Variants in ARMH3 observed in about 807,000 individuals in gnomAD.
The protein encoded by ARMH3 is armadillo-like helical domain-containing protein 3.
In ARMH3, 60 loss-of-function variants were observed where a neutral mutation model predicts 99.1. That is an observed-to-expected ratio of 0.61 (90% confidence interval 0.49 to 0.75). ARMH3 has a LOEUF of 0.75. ARMH3 is among the 30% of genes least tolerant of loss of function. ARMH3 has a pLI of 0.00. For missense variants in ARMH3, 679 were observed against 843.1 expected (o/e 0.81, Z 2.41); for synonymous variants, 285 against 292.8 (o/e 0.97, Z 0.27).
intron 19 of ARMH3, among the ~76,000 whole-genome samples, chr10:101,985,192 GTGTATA>G (rs1405108919): frequency 6.9e-6 from 1 of 145,342 alleles, no homozygotes; most frequent in Non-Finnish European, 1.5e-5. Context: ...ATATATATGT[GTGTATA>G]TATATACGTA....
chr10:101,937,519 C>CA (rs1231569417), intron 23 of ARMH3, among the ~76,000 whole-genome samples: 1,507 of 92,502 alleles, frequency 0.016, 25 homozygotes, highest in African/African-American at 0.048. Flanking sequence ...ACCCTGTCTC[C>CA]AAAAAAAAAA....
At chr10:101,956,248 A>G (rs1426257933) in intron 22 of ARMH3, among the ~76,000 whole-genome samples, 1 of 152,120 alleles carries the variant, frequency 6.6e-6, no homozygotes, top group East Asian at 1.9e-4. Flanking sequence ...AAATTACACA[A>G]TGTTCTGGGA....
At chr10:102,037,112 A>C (rs1178978932) in intron 2 of ARMH3, among the ~76,000 whole-genome samples, 2 of 151,802 alleles carry the variant, frequency 1.3e-5, no homozygotes, top group Admixed American at 6.6e-5. Flanking sequence ...AATTACTACC[A>C]GTAACTAATG....
chr10:102,009,166 G>C (rs2066575222), intron 13 of ARMH3, among the ~76,000 whole-genome samples: 1 of 152,086 alleles, frequency 6.6e-6, no homozygotes. Flanking sequence ...AACTAACTTT[G>C]CACGTTATTA....
chr10:101,860,631 T>C (rs1479368874), intron 24 of ARMH3, among the ~76,000 whole-genome samples: 1 of 152,198 alleles, frequency 6.6e-6, no homozygotes, highest in African/African-American at 2.4e-5. Flanking sequence ...ATTGCATATG[T>C]TGGGTCTGAC....
intron 24 of ARMH3, among the ~76,000 whole-genome samples, chr10:101,884,016 G>C (rs373031514): frequency 6.7e-6 from 1 of 150,142 alleles, no homozygotes; most frequent in South Asian, 2.1e-4. Flanking sequence ...ACACACACCC[G>C]CCAAGCAAAC....
intron 23 of ARMH3, among the ~76,000 whole-genome samples, chr10:101,898,452 C>G (rs946986158): frequency 2.6e-5 from 4 of 152,232 alleles, no homozygotes; most frequent in Middle Eastern, 3.4e-3. Context: ...TGCAATCTCC[C>G]ATGGACAGAA....
intron 23 of ARMH3, among the ~76,000 whole-genome samples, chr10:101,925,943 A>AT (rs111274946): frequency 6.6e-6 from 1 of 152,132 alleles, no homozygotes; most frequent in African/African-American, 2.4e-5. Context: ...AAATGAATGA[A>AT]TGGTCTGGAA....
intron 20 of ARMH3, among the ~76,000 whole-genome samples, chr10:101,960,105 G>A (rs1185853540): frequency 6.6e-6 from 1 of 152,040 alleles, no homozygotes; most frequent in Non-Finnish European, 1.5e-5. Flanking sequence ...TTAAACCCGG[G>A]AGGCGGAGGC....
At position 101,883,988 on chromosome 10, in the gene ARMH3, A is replaced by T. The variant is rs943448723; in HGVS notation, c.1860+5424T>A. 5.4e-4 allele frequency among the ~76,000 whole-genome samples: 80 copies of T among 146,838 alleles called. 1 individual carries two copies. The highest frequency in any genetic ancestry group is 7.4e-4 in the Non-Finnish European group (49 of 66,212). On this transcript the variant is annotated intron_variant, in intron 24 of 25. Coordinates refer to ENST00000370033, the MANE Select transcript of ARMH3 (RefSeq NM_024541.3). ...ATTCTGGGCAACAGAGGGAGATCTC[A>T]CACACACACACACACACACACACAC... is the stretch of plus-strand genomic sequence containing the variant.
At chr10:102,022,416 C>T (rs2066905593) in intron 8 of ARMH3, among the ~76,000 whole-genome samples, 1 of 147,740 alleles carries the variant, frequency 6.8e-6, no homozygotes, top group African/African-American at 2.5e-5. Context: ...GGCGTGAACC[C>T]AGGAGGCGGA....
intron 6 of ARMH3, 110 bp downstream of exon 6, chr10:102,025,046 C>T (rs2066970835): frequency 2.2e-6 from 2 of 893,230 alleles, no homozygotes; most frequent in South Asian, 3.0e-5. Context: ...TGATGTAATA[C>T]CCTCATTGAG....
chr10:101,920,685 T>C (rs1341224206), intron 23 of ARMH3, among the ~76,000 whole-genome samples: 1 of 152,078 alleles, frequency 6.6e-6, no homozygotes, highest in Non-Finnish European at 1.5e-5. Context: ...TACTAGATAC[T>C]TGCACAAGCA....
intron 24 of ARMH3, among the ~76,000 whole-genome samples, chr10:101,888,157 T>C (rs986868959): frequency 2.0e-5 from 3 of 151,270 alleles, no homozygotes; most frequent in Non-Finnish European, 4.4e-5. Flanking sequence ...AAACTCAAGA[T>C]GTTGAATTAT....
chr10:102,029,511 CA>C, intron 5 of ARMH3, 126 bp downstream of exon 5: 2 of 1,587,202 alleles, frequency 1.3e-6, no homozygotes, highest in Non-Finnish European at 8.6e-7. Flanking sequence ...CATCTAAATG[CA>C]AGGCCAAATT....
chr10:101,865,771 G>T (rs977870015), intron 24 of ARMH3, among the ~76,000 whole-genome samples: 1 of 151,894 alleles, frequency 6.6e-6, no homozygotes, highest in African/African-American at 2.4e-5. Flanking sequence ...TTACAGGCGT[G>T]AGCCGCTGCA....
intron 14 of ARMH3, among the ~76,000 whole-genome samples, chr10:102,003,061 G>C (rs2136068806): frequency 6.6e-6 from 1 of 152,134 alleles, no homozygotes; most frequent in East Asian, 1.9e-4. Context: ...ATACCTAGCT[G>C]ATGTTTCTAA....
chr10:101,866,637 G>C (rs1240351130), intron 24 of ARMH3, among the ~76,000 whole-genome samples: 2 of 152,172 alleles, frequency 1.3e-5, no homozygotes, highest in Non-Finnish European at 2.9e-5. Context: ...ATTGCTGTAA[G>C]AAAGGCATAC....
At chr10:101,941,415 C>T (rs1467774198) in intron 22 of ARMH3, among the ~76,000 whole-genome samples, 1 of 152,164 alleles carries the variant, frequency 6.6e-6, no homozygotes, top group Non-Finnish European at 1.5e-5. Context: ...GCCTCACTAA[C>T]ATTAAGAAAT....
Sources: allele counts gnomAD v4.1 joint callset (sites outside exome capture counted in the v4.1 genomes callset), GRCh38; gene constraint gnomAD v4.1.1; transcripts MANE v1.5; gene names NCBI Gene and HGNC (gene_info 2026-07-23, HGNC 2026-07-21).